CHRNA7: variants seen among roughly 807,000 people sequenced by gnomAD.
CHRNA7 encodes the protein cholinergic receptor nicotinic alpha 7 subunit, also known as neuronal acetylcholine receptor subunit alpha-7.
CHRNA7 carries 17 observed loss-of-function variants against 48.0 expected under a neutral mutation model. That is an observed-to-expected ratio of 0.35 (90% CI 0.24 to 0.53). The LOEUF is 0.53. Among genes scored for constraint, CHRNA7 ranks in the 20% least tolerant of loss-of-function variants. The pLI is 0.92. For missense variants in CHRNA7, 155 were observed against 577.7 expected (o/e 0.27, Z 7.50); for synonymous variants, 75 against 242.3 (o/e 0.31, Z 6.41).
At chr15:32,051,873 C>G (rs1464680493) in intron 2 of CHRNA7, among the ~76,000 whole-genome samples, 3 of 152,166 alleles carry the variant, frequency 2.0e-5, no homozygotes, top group Non-Finnish European at 2.9e-5. Context: ...GACGGGGTTT[C>G]AAGACGTTCC....
intron 3 of CHRNA7, among the ~76,000 whole-genome samples, chr15:32,108,533 C>G (rs960024198): frequency 1.3e-5 from 2 of 152,152 alleles, no homozygotes; most frequent in Non-Finnish European, 2.9e-5. Context: ...TTTGTAGGGC[C>G]TTATTCCATA....
At chr15:32,167,912 TG>T in intron 9 of CHRNA7, 27 bp from the exon 10 acceptor site, 1 of 1,575,704 alleles carries the variant, frequency 6.3e-7, no homozygotes, top group Non-Finnish European at 8.6e-7. Flanking sequence ...GCCTCAGGGC[TG>T]CTCTTAACGT....
chr15:32,068,411 A>G (rs2050000364), intron 2 of CHRNA7, among the ~76,000 whole-genome samples: 1 of 152,220 alleles, frequency 6.6e-6, no homozygotes, highest in Non-Finnish European at 1.5e-5. Context: ...GACAGAATAA[A>G]TTAATAATTT....
chr15:32,115,301 C>T (rs1324226283), intron 4 of CHRNA7, among the ~76,000 whole-genome samples: 3 of 152,132 alleles, frequency 2.0e-5, no homozygotes, highest in African/African-American at 7.2e-5. Context: ...CCAGAAGAGG[C>T]GTGCATTGTG....
intron 4 of CHRNA7, among the ~76,000 whole-genome samples, chr15:32,121,015 C>T (rs1283838977): frequency 6.6e-6 from 1 of 152,198 alleles, no homozygotes; most frequent in Non-Finnish European, 1.5e-5. Context: ...TGTCCACTGC[C>T]CACTAGAGAT....
At chr15:32,141,777 C>G (rs535456756) in intron 4 of CHRNA7, among the ~76,000 whole-genome samples, 1 of 152,162 alleles carries the variant, frequency 6.6e-6, no homozygotes, top group African/African-American at 2.4e-5. Flanking sequence ...GATTTTGTAT[C>G]CTGAGACTTT....
intron 2 of CHRNA7, among the ~76,000 whole-genome samples, chr15:32,047,895 T>C (rs1297716192): frequency 6.6e-6 from 1 of 152,220 alleles, no homozygotes; most frequent in African/African-American, 2.4e-5. Context: ...TGTTGAATTT[T>C]GTCAAAGGCC....
At chr15:32,105,500 G>T (rs2050653166) in intron 3 of CHRNA7, among the ~76,000 whole-genome samples, 1 of 149,746 alleles carries the variant, frequency 6.7e-6, no homozygotes, top group Non-Finnish European at 1.5e-5. Flanking sequence ...AGGAGAGGAG[G>T]AAAGGAGGAG....
chr15:32,091,771 C>T (rs550053180), intron 2 of CHRNA7, among the ~76,000 whole-genome samples: 44 of 152,320 alleles, frequency 2.9e-4, no homozygotes, highest in African/African-American at 7.9e-4. Context: ...CTGCACTCTG[C>T]TATGGTGTCA....
At chr15:32,040,651 C>T (rs2049432414) in intron 2 of CHRNA7, among the ~76,000 whole-genome samples, 2 of 151,134 alleles carry the variant, frequency 1.3e-5, no homozygotes, top group South Asian at 4.2e-4. Context: ...ATTATATATA[C>T]ACAAAGTATA....
intron 2 of CHRNA7, among the ~76,000 whole-genome samples, chr15:32,090,913 G>T (rs773858093): frequency 6.6e-6 from 1 of 151,832 alleles, no homozygotes; most frequent in Non-Finnish European, 1.5e-5. Context: ...TCAAGCATTC[G>T]CATTTTCCAT....
Position 32,030,544 on chromosome 15 carries a change from C to A in CHRNA7, c.-51C>A, listed in dbSNP as rs749069878. ...CTGTGGCCGCAGGCGCAGGCCCGGG[C>A]GACAGCCGAGACGTGGAGCGCGCCG... On this transcript the variant is annotated 5_prime_UTR_variant, in exon 1 of 10. Transcript: ENST00000306901. 1 of 1,415,434 alleles carries A rather than the reference C, an allele frequency of 7.1e-7. No individual in the cohort carries two copies. Among genetic ancestry groups the A allele is most frequent in the South Asian group, 1.5e-5 (1 of 66,794 alleles). 87.7% of individuals were successfully genotyped at this position (1,415,434 alleles called of 1,614,324 possible). A position where few individuals can be genotyped will look rare whatever the true frequency, so the allele number is the denominator to read the frequency against.
At chr15:32,144,034 C>T (rs1340954469) in intron 4 of CHRNA7, among the ~76,000 whole-genome samples, 1 of 152,240 alleles carries the variant, frequency 6.6e-6, no homozygotes, top group East Asian at 1.9e-4. Context: ...TACCATTTGG[C>T]GTGTTTTTGC....
chr15:32,064,729 C>T (rs972808258), intron 2 of CHRNA7, among the ~76,000 whole-genome samples: 3 of 152,066 alleles, frequency 2.0e-5, no homozygotes, highest in African/African-American at 7.2e-5. Context: ...CTCTGGAAAC[C>T]AAAACAAGGG....
At chr15:32,141,588 T>C (rs77873075) in intron 4 of CHRNA7, among the ~76,000 whole-genome samples, 62,266 of 151,600 alleles carry the variant, frequency 0.41, 13,071 homozygotes, top group African/African-American at 0.52. Context: ...TGTGTCCTCT[T>C]TTATTTCATT....
Position 32,094,377 on chromosome 15 carries a change from A to T in CHRNA7, c.196-6926A>T, listed in dbSNP as rs370410853. Among the ~76,000 whole-genome samples the T allele has an allele frequency of 7.2e-5, 11 of 152,374 alleles. No individual in the cohort carries two copies. In the East Asian group the frequency reaches 1.5e-3, roughly 21 times the overall value. ...ATTTTCAGTGGGAACCAAACCAACC[A>T]GGTTTCAAAGATGAGCCAATAAAAT... On this transcript the variant is annotated intron_variant, in intron 2 of 9. Coordinates refer to ENST00000306901, the MANE Select transcript of CHRNA7 (RefSeq NM_000746.6).
chr15:32,098,213 G>GAAA (rs2050504957), intron 2 of CHRNA7, among the ~76,000 whole-genome samples: 1 of 133,900 alleles, frequency 7.5e-6, no homozygotes, highest in African/African-American at 2.7e-5. Context: ...CTGTGCAGAA[G>GAAA]CCTGTCAGGA....
intron 3 of CHRNA7, among the ~76,000 whole-genome samples, chr15:32,107,901 C>T (rs575224724): frequency 6.6e-6 from 1 of 152,262 alleles, no homozygotes; most frequent in South Asian, 2.1e-4. Context: ...AAACTCAGGC[C>T]TCAGGCATGG....
chr15:32,089,033 C>A (rs970501717), intron 2 of CHRNA7, among the ~76,000 whole-genome samples: 5 of 152,134 alleles, frequency 3.3e-5, no homozygotes, highest in African/African-American at 4.8e-5. Context: ...GTCTTTTCTT[C>A]TAGTATTAGA....
Sources: allele counts gnomAD v4.1 joint callset (sites outside exome capture counted in the v4.1 genomes callset), GRCh38; gene constraint gnomAD v4.1.1; transcripts MANE v1.5; gene names NCBI Gene and HGNC (gene_info 2026-07-23, HGNC 2026-07-21).